Variants in CCDC187 observed in about 807,000 individuals in gnomAD.
The protein encoded by CCDC187 is coiled-coil domain-containing protein 187.
CCDC187 carries 32 observed loss-of-function variants against 38.0 expected under a neutral mutation model. The observed-to-expected ratio is 0.84, with a 90% CI of 0.64 to 1.13. The LOEUF is 1.13. Ranked by LOEUF, CCDC187 falls within the 50% of genes most tolerant of loss-of-function variation. CCDC187 has a pLI of 0.00. For synonymous variants in CCDC187, 333 were observed against 347.9 expected (o/e 0.96, Z 0.48); for missense variants, 707 against 786.8 (o/e 0.90, Z 1.21).
intron 4 of CCDC187, among the ~76,000 whole-genome samples, chr9:136,293,684 G>A (rs940014345): frequency 2.2e-5 from 2 of 90,556 alleles, no homozygotes; most frequent in African/African-American, 4.3e-5. Flanking sequence ...GCCCTCGCAC[G>A]TGCTGTCACA....
intron 17 of CCDC187, 141 bp from the exon 18 acceptor site, chr9:136,263,939 C>T (rs971074244): frequency 6.5e-5 from 34 of 523,538 alleles, no homozygotes; most frequent in African/African-American, 5.0e-4. Flanking sequence ...GGCCTTTGCC[C>T]GCCCCTCCTG....
rs1171209779 is a variant in CCDC187 at position 136,300,269 on chromosome 9, G to A, written c.675C>T (p.Ser225=). Residue 225 remains serine, a synonymous_variant, in exon 3 of 26, where the codon TCC becomes TCT. Transcript: ENST00000638797. ...AAERRVEAKA[S]HGQGRELSRV... is the part of the protein sequence containing the mutation. ...TGGAGAGCTCGCGCCCCTGGCCGTG[G>A]GATGCCTTGGCTTCAACTCTGCGCT... 1 of 398,584 alleles carries A rather than the reference G, an allele frequency of 2.5e-6. No homozygotes were observed. Among genetic ancestry groups the A allele is most frequent in the African/African-American group, 2.1e-5 (1 of 48,648 alleles). The allele number at this position is 398,584 out of a possible 1,614,324, so 24.7% of individuals were successfully genotyped here.
chr9:136,260,416 C>T (rs909276143), intron 19 of CCDC187, among the ~76,000 whole-genome samples, 152 bp from the exon 20 acceptor site: 7 of 150,874 alleles, frequency 4.6e-5, no homozygotes, highest in Admixed American at 2.0e-4. Context: ...AAGCAGAAGA[C>T]GGGACTGTGA....
At chr9:136,297,250 G>C (rs886878713) in intron 4 of CCDC187, among the ~76,000 whole-genome samples, 12 of 151,500 alleles carry the variant, frequency 7.9e-5, no homozygotes, top group African/African-American at 2.7e-4. Flanking sequence ...GGTGCCATGG[G>C]GTGTAGGTGC....
chr9:136,293,364 C>G (rs1831408716), intron 4 of CCDC187, among the ~76,000 whole-genome samples: 1 of 149,800 alleles, frequency 6.7e-6, no homozygotes, highest in Non-Finnish European at 1.5e-5. Context: ...CACACATTCA[C>G]ATGCTCACAC....
chr9:136,289,363 C>CA (rs1831255201), intron 7 of CCDC187, among the ~76,000 whole-genome samples: 1 of 151,732 alleles, frequency 6.6e-6, no homozygotes, highest in Non-Finnish European at 1.5e-5. Flanking sequence ...ACTAAAAATA[C>CA]AAAAAATTAG....
intron 15 of CCDC187, 42 bp downstream of exon 15, chr9:136,268,007 T>C (rs34984083): frequency 0.39 from 384,870 of 984,736 alleles, 76,536 homozygotes; most frequent in Middle Eastern, 0.46. Flanking sequence ...CCGTGCTGGG[T>C]CCTGAAATTG....
At chr9:136,262,538 C>CGTGGCT (rs1564308204) in intron 18 of CCDC187, 76 bp from the exon 19 acceptor site, 1 of 984,386 alleles carries the variant, frequency 1.0e-6, no homozygotes, top group Admixed American at 6.1e-5. Context: ...GGTGGCTTCA[C>CGTGGCT]GTGGCTGTGG....
At chr9:136,288,127 G>T (rs947005830) in intron 7 of CCDC187, among the ~76,000 whole-genome samples, 1 of 152,200 alleles carries the variant, frequency 6.6e-6, no homozygotes, top group Non-Finnish European at 1.5e-5. Flanking sequence ...GGTGGCCAGT[G>T]GGGGAGGGGC....
Position 136,286,195 on chromosome 9 carries a change from G to A in CCDC187, c.2723C>T (p.Pro908Leu). 2.5e-6 allele frequency: 1 copy of A among 398,620 alleles called. No homozygotes were observed. The highest frequency in any genetic ancestry group is 3.6e-5 in the East Asian group (1 of 28,072). The allele number at this position is 398,620 out of a possible 1,614,324, so 24.7% of individuals were successfully genotyped here. A position where few individuals can be genotyped will look rare whatever the true frequency, so the allele number is the denominator to read the frequency against. ...PGEWVSMQPQ[P>L]LLPPTYFLDG... ...CAGGAAGTAGGTCGGGGGCAGAAGG[G>A]GCTGGGGCTGCATGCTCACCCACTC... The change falls in exon 8 of 26, where the codon CCC becomes CTC. Residue 908 changes from proline (P) to leucine (L), a missense_variant. By Grantham distance (98) the Pro-to-Leu change is moderately conservative (BLOSUM62 -3). Coordinates refer to ENST00000638797, the MANE Select transcript of CCDC187 (RefSeq NM_001378188.1).
intron 3 of CCDC187, among the ~76,000 whole-genome samples, chr9:136,298,055 G>A (rs1831579398): frequency 6.6e-6 from 1 of 152,112 alleles, no homozygotes; most frequent in South Asian, 2.1e-4. Flanking sequence ...TGCCGCTGGG[G>A]ACTCCTCCTT....
At chr9:136,304,152 AC>A (rs1831761629), upstream of CCDC187, 2 of 152,002 alleles carry the variant, frequency 1.3e-5, no homozygotes, top group Non-Finnish European at 2.9e-5. Flanking sequence ...CAGCATAATA[AC>A]CTTGTCACTC....
chr9:136,250,381 C>T lies in CCDC187; in HGVS notation c.*3213G>A, dbSNP rs1564302343. ...CTGCAGCCGCCACCGCATTGCGCCG[C>T]ACGTCAGCACCAACCACGTGGCAGC... On this transcript the variant is annotated 3_prime_UTR_variant, in exon 26 of 26. Transcript: ENST00000638797. 4.3e-6 allele frequency: 1 copy of T among 232,358 alleles called. No homozygotes were observed. The allele number at this position is 232,358 out of a possible 1,614,324, so 14.4% of individuals were successfully genotyped here.
chr9:136,257,178 G>T lies in CCDC187; in HGVS notation c.4367-337C>A, dbSNP rs1291085026. Among the ~76,000 whole-genome samples the T allele has an allele frequency of 2.0e-5, 3 of 152,070 alleles. No individual in the cohort carries two copies. Among genetic ancestry groups the T allele is most frequent in the South Asian group, 2.1e-4 (1 of 4,822 alleles). ...TCACAAGGTCAGGAGTTCGAGACCA[G>T]CCTGGCCAATGTAGTGAAACCCCGT... is the stretch of plus-strand genomic sequence containing the variant. On this transcript the variant is annotated intron_variant, in intron 22 of 25. Transcript: ENST00000638797. This position sits in a 1 kb window ranked among gnomAD's most constrained non-coding sequence, Gnocchi z 4.5.
intron 4 of CCDC187, among the ~76,000 whole-genome samples, chr9:136,294,868 A>G (rs1831496284): frequency 6.6e-6 from 1 of 152,164 alleles, no homozygotes; most frequent in South Asian, 2.1e-4. Context: ...CAGGACCCCA[A>G]GGTAGAGGAA....
intron 14 of CCDC187, among the ~76,000 whole-genome samples, chr9:136,269,915 T>C (rs1011629506): frequency 6.6e-6 from 1 of 152,184 alleles, no homozygotes; most frequent in African/African-American, 2.4e-5. Context: ...CCAAATGGAA[T>C]GTGTAAACTG....
intron 4 of CCDC187, chr9:136,295,766 G>A (rs1264557590): frequency 5.3e-5 from 8 of 152,254 alleles, no homozygotes; most frequent in African/African-American, 1.9e-4. Flanking sequence ...AATGCGGCCG[G>A]TGGCATGCCC....
intron 4 of CCDC187, among the ~76,000 whole-genome samples, 158 bp downstream of exon 4, chr9:136,297,556 G>A (rs908215760): frequency 1.3e-5 from 2 of 152,056 alleles, no homozygotes; most frequent in African/African-American, 2.4e-5. Context: ...CGCTCCAGCC[G>A]GGCCTGCCGA....
chr9:136,281,283 C>A (rs932927940), intron 10 of CCDC187: 2 of 397,510 alleles, frequency 5.0e-6, no homozygotes, highest in African/African-American at 4.1e-5. Flanking sequence ...CTGGGCACAG[C>A]GGCACGGGGC....
Sources: gnomAD v4.1 joint callset for allele counts (sites outside exome capture counted in the v4.1 genomes callset) on GRCh38, gnomAD v4.1.1 for gene constraint, Gnocchi (gnomAD v3.1) non-coding constraint, MANE v1.5 for transcripts, NCBI Gene and HGNC (gene_info 2026-07-23, HGNC 2026-07-21) for gene names.